NF1: variants seen among roughly 807,000 people sequenced by gnomAD.
The protein encoded by NF1 is neurofibromin.
Under a neutral mutation model 325.7 loss-of-function variants are expected in NF1, and 122 were observed. The observed-to-expected ratio is 0.37, with a 90% CI of 0.32 to 0.44. The LOEUF is 0.44. Among genes scored for constraint, NF1 ranks in the 20% least tolerant of loss-of-function variants. The probability of loss-of-function intolerance (pLI) is 1.00; values close to 1 mark genes in which losing one functional copy is unlikely to be tolerated. For synonymous variants in NF1, 1,091 were observed against 1,186.0 expected, an observed-to-expected ratio of 0.92 and a Z score of 1.65; for missense variants, 2,140 against 3,415.4, an observed-to-expected ratio of 0.63 and a Z score of 9.31.
At chr17:31,352,899 A>T (rs185396321) in intron 51 of NF1, among the ~76,000 whole-genome samples, 1 of 152,008 alleles carries the variant, frequency 6.6e-6, no homozygotes, top group African/African-American at 2.4e-5. Flanking sequence ...AGAAAATAGG[A>T]TTCTTTTTTT....
At chr17:31,334,555 TATA>T in intron 39 of NF1, 1 of 384,866 alleles carries the variant, frequency 2.6e-6, no homozygotes. Context: ...CATTTCCTTT[TATA>T]ATGAGAATAA....
intron 36 of NF1, among the ~76,000 whole-genome samples, chr17:31,305,962 C>T (rs893097659): frequency 2.0e-5 from 3 of 152,172 alleles, no homozygotes; most frequent in African/African-American, 7.2e-5. Flanking sequence ...CTTCTCAAAA[C>T]GCATAGGCTC....
intron 4 of NF1, among the ~76,000 whole-genome samples, chr17:31,165,757 A>C (rs1318465426): frequency 6.6e-6 from 1 of 152,146 alleles, no homozygotes; most frequent in Non-Finnish European, 1.5e-5. Flanking sequence ...TGATGTGAAC[A>C]TGTCTCACTG....
intron 1 of NF1, among the ~76,000 whole-genome samples, chr17:31,141,896 G>C (rs1252690183): frequency 6.6e-6 from 1 of 152,146 alleles, no homozygotes; most frequent in Non-Finnish European, 1.5e-5. Flanking sequence ...CTGGTGTCTA[G>C]AGCTGATGTA....
At chr17:31,226,244 A>G (rs1462224021) in intron 17 of NF1, among the ~76,000 whole-genome samples, 191 bp from the exon 18 acceptor site, 1 of 151,272 alleles carries the variant, frequency 6.6e-6, no homozygotes, top group Non-Finnish European at 1.5e-5. Context: ...TCTCATTTGG[A>G]CAAGATATTT....
chr17:31,235,790 T>G lies in NF1; in HGVS notation c.3870+18T>G. The stretch of plus-strand genomic sequence containing the variant: ...GTTTCAAGGTTTGTATCATTCATTT[T>G]GTGTGTATGTGTGTGCTGAGGTATG... On this transcript the variant is annotated intron_variant, in intron 28 of 57. Transcript: ENST00000358273. 6.2e-7 allele frequency: 1 copy of G among 1,614,048 alleles called. No individual in the cohort carries two copies. Among genetic ancestry groups the G allele is most frequent in the Non-Finnish European group, 8.5e-7 (1 of 1,179,974 alleles).
At chr17:31,327,376 G>C in intron 37 of NF1, 123 bp from the exon 38 acceptor site, 1 of 720,826 alleles carries the variant, frequency 1.4e-6, no homozygotes, top group Non-Finnish European at 2.5e-6. Flanking sequence ...ATATACAATG[G>C]TGGGAACTCT....
At chr17:31,151,596 A>G (rs1916948100) in intron 1 of NF1, among the ~76,000 whole-genome samples, 1 of 152,184 alleles carries the variant, frequency 6.6e-6, no homozygotes, top group African/African-American at 2.4e-5. Context: ...CCCTGATATG[A>G]AATGGTGTGG....
intron 29 of NF1, 36 bp downstream of exon 29, chr17:31,236,057 G>GTTTTTTT: frequency 8.7e-7 from 1 of 1,144,766 alleles, no homozygotes. Context: ...GCTGTTTTTT[G>GTTTTTTT]TTTTTTTTTT....
At chr17:31,161,100 T>G (rs537015798) in intron 3 of NF1, among the ~76,000 whole-genome samples, 14 of 152,358 alleles carry the variant, frequency 9.2e-5, no homozygotes, top group African/African-American at 2.9e-4. Context: ...ATACGTTTGT[T>G]ATACATAGTT....
At chr17:31,341,253 G>A (rs1003615998) in intron 47 of NF1, among the ~76,000 whole-genome samples, 1 of 152,032 alleles carries the variant, frequency 6.6e-6, no homozygotes, top group East Asian at 1.9e-4. Flanking sequence ...GGCCAGGAGT[G>A]GTGGCTCATA....
At chr17:31,170,110 A>G (rs955268088) in intron 5 of NF1, 113 bp downstream of exon 5, 1 of 709,176 alleles carries the variant, frequency 1.4e-6, no homozygotes, top group East Asian at 2.7e-5. Flanking sequence ...TGGATTTTAT[A>G]ATGACATTTC....
chr17:31,358,311 T>TC, intron 54 of NF1, 169 bp from the exon 55 acceptor site: 1 of 674,612 alleles, frequency 1.5e-6, no homozygotes, highest in Non-Finnish European at 2.5e-6. Context: ...ACACACATGT[T>TC]CATTGTAGAA....
chr17:31,097,197 C>T (rs1432144506), intron 1 of NF1, among the ~76,000 whole-genome samples: 3 of 152,132 alleles, frequency 2.0e-5, no homozygotes, highest in African/African-American at 7.2e-5. Flanking sequence ...GTGGCTCACG[C>T]CTGTAATCCC....
At chr17:31,366,331 A>T (rs1208565439) in intron 57 of NF1, among the ~76,000 whole-genome samples, 1 of 152,138 alleles carries the variant, frequency 6.6e-6, no homozygotes, top group African/African-American at 2.4e-5. Flanking sequence ...TAGAACAAAG[A>T]CATACTTAGT....
At chr17:31,222,035 C>T (rs937761338) in intron 15 of NF1, 106 bp downstream of exon 15, 4 of 1,309,306 alleles carry the variant, frequency 3.1e-6, no homozygotes, top group Non-Finnish European at 3.9e-6. Context: ...ACTTACACTT[C>T]CAAAGGTTTT....
intron 36 of NF1, chr17:31,296,719 TACTC>T: frequency 4.2e-6 from 1 of 236,518 alleles, no homozygotes; most frequent in Non-Finnish European, 8.4e-6. Context: ...TATGCTTTCT[TACTC>T]AGATGAGAAA....
At chr17:31,219,196 G>T in intron 14 of NF1, 78 bp downstream of exon 14, 2 of 1,427,838 alleles carry the variant, frequency 1.4e-6, no homozygotes, top group Non-Finnish European at 1.9e-6. Flanking sequence ...TTGGTGTGTG[G>T]TTTCTGTGAG....
intron 5 of NF1, among the ~76,000 whole-genome samples, chr17:31,173,597 TAAA>T (rs61130426): frequency 2.4e-4 from 34 of 140,192 alleles, no homozygotes; most frequent in Admixed American, 4.3e-4. Context: ...AAACTCCATC[TAAA>T]AAAAAAAAAA....
Sources: allele counts gnomAD v4.1 joint callset (sites outside exome capture counted in the v4.1 genomes callset), GRCh38; gene constraint gnomAD v4.1.1; transcripts MANE v1.5; gene names NCBI Gene and HGNC (gene_info 2026-07-23, HGNC 2026-07-21).